Variants in RAPGEF4 observed in about 807,000 individuals in gnomAD.
The protein encoded by RAPGEF4 is RAP guanine-nucleotide-exchange factor (GEF) 4.
In RAPGEF4, 66 loss-of-function variants were observed where a neutral mutation model predicts 147.9. The observed-to-expected ratio is 0.45, with a 90% CI of 0.37 to 0.55. The LOEUF (loss-of-function observed/expected upper bound fraction) is 0.55, where lower values mean the gene tolerates loss of function less well. RAPGEF4 is among the 20% of genes least tolerant of loss of function. The pLI is 0.00. For missense variants in RAPGEF4, 1,071 were observed against 1,257.3 expected, an observed-to-expected ratio of 0.85 and a Z score of 2.24; for synonymous variants, 419 against 442.7, an observed-to-expected ratio of 0.95 and a Z score of 0.67.
chr2:172,909,251 G>A (rs1355251999), intron 4 of RAPGEF4, among the ~76,000 whole-genome samples: 1 of 152,176 alleles, frequency 6.6e-6, no homozygotes, highest in Non-Finnish European at 1.5e-5. Context: ...GTTGCTTGAG[G>A]CATGCATCCT....
intron 1 of RAPGEF4, among the ~76,000 whole-genome samples, chr2:172,772,112 G>C (rs548732338): frequency 6.6e-6 from 1 of 151,886 alleles, no homozygotes; most frequent in African/African-American, 2.4e-5. Context: ...GGTGGCATAC[G>C]CCTGTAGTCT....
intron 14 of RAPGEF4, among the ~76,000 whole-genome samples, chr2:172,989,946 C>T (rs528938901): frequency 1.1e-4 from 16 of 149,996 alleles, no homozygotes; most frequent in Admixed American, 2.7e-4. Flanking sequence ...CCCTACATGG[C>T]CTTAAGCATT....
At chr2:172,913,461 G>A (rs1285325245) in intron 4 of RAPGEF4, among the ~76,000 whole-genome samples, 1 of 152,130 alleles carries the variant, frequency 6.6e-6, no homozygotes, top group Non-Finnish European at 1.5e-5. Flanking sequence ...CCTCATCTGC[G>A]AATACTTGAA....
chr2:172,983,644 G>A (rs1691926564), intron 11 of RAPGEF4, 64 bp downstream of exon 11: 1 of 1,595,960 alleles, frequency 6.3e-7, no homozygotes, highest in South Asian at 1.1e-5. Context: ...TTAGGACAGA[G>A]GAGAGTATTA....
At chr2:173,015,690 C>T (rs1695450540) in intron 18 of RAPGEF4, among the ~76,000 whole-genome samples, 1 of 152,160 alleles carries the variant, frequency 6.6e-6, no homozygotes. Flanking sequence ...TGGTTCTCAC[C>T]TTCTGCTGCA....
intron 4 of RAPGEF4, among the ~76,000 whole-genome samples, chr2:172,818,961 C>CA (rs1688784628): frequency 6.6e-6 from 1 of 152,180 alleles, no homozygotes; most frequent in African/African-American, 2.4e-5. Flanking sequence ...AGGCAACACT[C>CA]AGAGTATTTT....
At chr2:172,895,355 A>T (rs1698364753) in intron 4 of RAPGEF4, among the ~76,000 whole-genome samples, 1 of 152,172 alleles carries the variant, frequency 6.6e-6, no homozygotes, top group African/African-American at 2.4e-5. Flanking sequence ...GCCAGTGAGT[A>T]TCTCCAAGGA....
chr2:172,962,523 C>G (rs187792346), intron 8 of RAPGEF4, among the ~76,000 whole-genome samples: 1 of 152,174 alleles, frequency 6.6e-6, no homozygotes, highest in African/African-American at 2.4e-5. Context: ...AGCAAACCTA[C>G]TCAAGGACAG....
At chr2:172,957,049 G>A (rs1688817689) in intron 6 of RAPGEF4, among the ~76,000 whole-genome samples, 1 of 152,168 alleles carries the variant, frequency 6.6e-6, no homozygotes, top group Non-Finnish European at 1.5e-5. Flanking sequence ...AATAGACCTG[G>A]AGTCTACTCT....
intron 1 of RAPGEF4, among the ~76,000 whole-genome samples, chr2:172,793,868 G>A (rs1023199325): frequency 2.0e-5 from 3 of 152,150 alleles, no homozygotes; most frequent in Non-Finnish European, 2.9e-5. Flanking sequence ...GGGCATGGTG[G>A]CTCATGCCTG....
rs939781528 is a variant in RAPGEF4 at position 172,985,555 on chromosome 2, G to A, written c.1150+62G>A. ...CAGCACCCTTGCAAGCACATGCCAC[G>A]GGAAGCCAGGCTGCTAACGCCTCAC... On this transcript the variant is annotated intron_variant, in intron 12 of 30. Transcript: ENST00000397081. 8 of 1,579,358 alleles carry A rather than the reference G, an allele frequency of 5.1e-6. No homozygotes were observed. The East Asian group carries it at 7.0e-5, about 14-fold the overall frequency.
Position 173,050,617 on chromosome 2 carries a change from A to C in RAPGEF4, c.2909-1023A>C, listed in dbSNP as rs142660191. Among the ~76,000 whole-genome samples the C allele has an allele frequency of 9.1e-3, 1,385 of 152,306 alleles. 18 individuals carry two copies. The highest frequency in any genetic ancestry group is 0.031 in the African/African-American group (1,287 of 41,562). On this transcript the variant is annotated intron_variant, in intron 30 of 30. Transcript: ENST00000397081. ...TCCCCTTAGACCAGAGGCCCTACCC[A>C]GTGATGCTTGAAATGGAGGTGGCCC...
chr2:172,964,017 G>A (rs992543022), intron 8 of RAPGEF4, among the ~76,000 whole-genome samples: 3 of 152,232 alleles, frequency 2.0e-5, no homozygotes, highest in East Asian at 1.9e-4. Flanking sequence ...GGATCATCTC[G>A]AGTCTGTGTA....
chr2:173,014,729 A>G, intron 18 of RAPGEF4, 115 bp downstream of exon 18: 1 of 1,000,638 alleles, frequency 1.0e-6, no homozygotes, highest in Non-Finnish European at 1.4e-6. Flanking sequence ...AGACTTTGTG[A>G]ACACATTCAT....
At chr2:173,010,570 G>T (rs901831243) in intron 17 of RAPGEF4, among the ~76,000 whole-genome samples, 1 of 152,144 alleles carries the variant, frequency 6.6e-6, no homozygotes, top group Admixed American at 6.5e-5. Context: ...ACATCATATT[G>T]AGACAAGGGA....
rs549497985 is a variant in RAPGEF4 at position 173,030,302 on chromosome 2, A to C, written c.2649+48A>C. 23 of 1,415,646 alleles carry C rather than the reference A, an allele frequency of 1.6e-5. No homozygotes were observed. In the African/African-American group the frequency reaches 2.7e-4, roughly 16 times the overall value. 87.7% of individuals were successfully genotyped at this position (1,415,646 alleles called of 1,614,324 possible). On this transcript the variant is annotated intron_variant, in intron 26 of 30. Transcript: ENST00000397081. ...CTGTGACTTTTGCCTTAGGAATAAAAACACAGGCTCACCAGTGAGCTTTTT... is the reference window on the plus strand; with the variant it reads ...CTGTGACTTTTGCCTTAGGAATAAACACACAGGCTCACCAGTGAGCTTTTT...
At chr2:172,943,355 T>A (rs1687361357) in intron 6 of RAPGEF4, among the ~76,000 whole-genome samples, 2 of 152,140 alleles carry the variant, frequency 1.3e-5, no homozygotes, top group Admixed American at 1.3e-4. Context: ...AAGGACTCTT[T>A]CCTCAGAGGG....
intron 1 of RAPGEF4, among the ~76,000 whole-genome samples, chr2:172,748,446 A>G (rs752159938): frequency 6.6e-6 from 1 of 152,192 alleles, no homozygotes; most frequent in Non-Finnish European, 1.5e-5. Flanking sequence ...AGGGAGAGAA[A>G]GAACCAAGCA....
At chr2:172,971,455 G>C (rs924378566) in intron 10 of RAPGEF4, among the ~76,000 whole-genome samples, 3 of 152,178 alleles carry the variant, frequency 2.0e-5, no homozygotes, top group Non-Finnish European at 4.4e-5. Context: ...CGAGCAGAGA[G>C]AAATATATGT....
Sources: allele counts gnomAD v4.1 joint callset (sites outside exome capture counted in the v4.1 genomes callset), GRCh38; gene constraint gnomAD v4.1.1; transcripts MANE v1.5; gene names NCBI Gene and HGNC (gene_info 2026-07-23, HGNC 2026-07-21).